Variants in TBX18 observed in about 807,000 individuals in gnomAD.
The protein encoded by TBX18 is T-box transcription factor TBX18.
TBX18 carries 21 observed loss-of-function variants against 55.0 expected under a neutral mutation model. The ratio of observed to expected loss-of-function variants is 0.38; its 90% CI spans 0.27 to 0.55. The LOEUF is 0.55. Among genes scored for constraint, TBX18 ranks in the 20% least tolerant of loss-of-function variants. The pLI is 0.73. For missense variants in TBX18, 840 were observed against 799.6 expected (o/e 1.05, Z -0.61); for synonymous variants, 342 against 326.1 (o/e 1.05, Z -0.53).
chr6:84,746,729 C>A (rs547581261), intron 5 of TBX18, among the ~76,000 whole-genome samples: 10 of 148,996 alleles, frequency 6.7e-5, no homozygotes, highest in Admixed American at 5.4e-4. Flanking sequence ...GCTTCAGCAG[C>A]ACATATACTA....
chr6:84,736,730 T>A lies in TBX18; in HGVS notation c.1779A>T (p.Gly593=). Reference sequence around the variant, plus strand: ...CTTGAGATGATGACAGAGTTAAGCTTCCTAGGGTCCTAGAGTCAAAGAAAC... The same window carrying A: ...CTTGAGATGATGACAGAGTTAAGCTACCTAGGGTCCTAGAGTCAAAGAAAC... ...QQSFFDSRTL[G]SLTLSSSQVS... is the part of the protein sequence containing the mutation. Residue 593 remains glycine (G), a synonymous_variant, in exon 8 of 8, where the codon GGA becomes GGT. Transcript: ENST00000369663. 2 of 1,602,006 alleles carry A rather than the reference T, an allele frequency of 1.2e-6. No individual in the cohort carries two copies. Among genetic ancestry groups the A allele is most frequent in the Non-Finnish European group, 1.7e-6 (2 of 1,175,876 alleles).
intron 6 of TBX18, among the ~76,000 whole-genome samples, chr6:84,739,924 C>A (rs1767004280): frequency 6.6e-6 from 1 of 152,204 alleles, no homozygotes; most frequent in South Asian, 2.1e-4. Flanking sequence ...GATTTCTGTA[C>A]TCATTCTGGA....
intron 4 of TBX18, among the ~76,000 whole-genome samples, chr6:84,753,439 G>GAAA (rs56006646): frequency 4.4e-4 from 66 of 148,756 alleles, no homozygotes; most frequent in Non-Finnish European, 7.0e-4. Flanking sequence ...ACTGAGAAGA[G>GAAA]AAAAAAAAAA....
rs753362934 is a variant in TBX18 at position 84,764,187 on chromosome 6, C to T, written c.-6G>A. Reference sequence around the variant, plus strand: ...CCCCTTCGCTTCTCGGCCATCCCCCCCGCCCCGCGCCCGCCCGCCCCTCTC... The same window carrying T: ...CCCCTTCGCTTCTCGGCCATCCCCCTCGCCCCGCGCCCGCCCGCCCCTCTC... On this transcript the variant is annotated 5_prime_UTR_variant, in exon 1 of 8. Transcript: ENST00000369663. 3.5e-6 allele frequency: 5 copies of T among 1,443,806 alleles called. No homozygotes were observed. Among genetic ancestry groups the T allele is most frequent in the South Asian group, 1.4e-5 (1 of 69,832 alleles). The allele number at this position is 1,443,806 out of a possible 1,614,324, so 89.4% of individuals were successfully genotyped here.
chr6:84,732,594 C>T lies in TBX18; in HGVS notation c.*4091G>A, dbSNP rs1205856329. On this transcript the variant is annotated 3_prime_UTR_variant, in exon 8 of 8. Transcript: ENST00000369663. Reference sequence around the variant, plus strand: ...TATTTCAAAACAAAATAATTTAATGCCATGCAATTAAGAGCATCATGAAAA... The same window carrying T: ...TATTTCAAAACAAAATAATTTAATGTCATGCAATTAAGAGCATCATGAAAA... 6.6e-6 allele frequency: 1 copy of T among 151,936 alleles called. No individual in the cohort carries two copies. The highest frequency in any genetic ancestry group is 1.5e-5 in the Non-Finnish European group (1 of 67,944). 9.4% of individuals were successfully genotyped at this position (151,936 alleles called of 1,614,324 possible). A position where few individuals can be genotyped will look rare whatever the true frequency, so the allele number is the denominator to read the frequency against.
intron 6 of TBX18, chr6:84,741,006 G>A (rs1018110625): frequency 6.6e-6 from 1 of 152,206 alleles, no homozygotes; most frequent in Non-Finnish European, 1.5e-5. Flanking sequence ...AAGCTTTAAA[G>A]AGATGCTCTG....
chr6:84,743,175 A>G (rs1431426686), intron 6 of TBX18, among the ~76,000 whole-genome samples: 1 of 152,196 alleles, frequency 6.6e-6, no homozygotes, highest in Non-Finnish European at 1.5e-5. Flanking sequence ...CACTAAGTTG[A>G]AGGCTACTCT....
intron 2 of TBX18, among the ~76,000 whole-genome samples, chr6:84,761,538 A>C (rs1189365065): frequency 6.6e-6 from 1 of 152,200 alleles, no homozygotes; most frequent in Non-Finnish European, 1.5e-5. Flanking sequence ...TATGGATTCA[A>C]TAAAATATGT....
At chr6:84,762,959 C>T in intron 1 of TBX18, 2 of 599,070 alleles carry the variant, frequency 3.3e-6, no homozygotes, top group South Asian at 2.0e-5. Context: ...TCCAGTGTGG[C>T]CTGCTTGGTC....
chr6:84,763,520 C>G (rs886437352), intron 1 of TBX18: 1 of 503,366 alleles, frequency 2.0e-6, no homozygotes, highest in African/African-American at 1.9e-5. Flanking sequence ...GGTATGCCGT[C>G]GCTCCCCTCC....
chr6:84,736,500 A>C lies in TBX18; in HGVS notation c.*185T>G. 1.8e-6 allele frequency: 1 copy of C among 559,874 alleles called. No individual in the cohort carries two copies. The highest frequency in any genetic ancestry group is 3.4e-5 in the East Asian group (1 of 29,722). 34.7% of individuals were successfully genotyped at this position (559,874 alleles called of 1,614,324 possible). A position where few individuals can be genotyped will look rare whatever the true frequency, so the allele number is the denominator to read the frequency against. ...GATACTCCATGTGCTATGTATATAC[A>C]GCATACATATATACCATAGATAATT... is the stretch of plus-strand genomic sequence containing the variant. On this transcript the variant is annotated 3_prime_UTR_variant, in exon 8 of 8. Coordinates refer to ENST00000369663, the MANE Select transcript of TBX18 (RefSeq NM_001080508.3).
intron 3 of TBX18, among the ~76,000 whole-genome samples, chr6:84,757,764 A>T (rs1280778533): frequency 1.3e-5 from 2 of 151,916 alleles, no homozygotes; most frequent in Non-Finnish European, 2.9e-5. Flanking sequence ...TAAGATTACC[A>T]TTTATTAATA....
chr6:84,741,099 A>G (rs1454084722), intron 6 of TBX18: 2 of 152,234 alleles, frequency 1.3e-5, no homozygotes, highest in Non-Finnish European at 2.9e-5. Context: ...AAGTTCCAGA[A>G]AGGATTTTAG....
In TBX18 at chr6:84,763,986, A is replaced by G. The variant is rs1179144155; in HGVS notation, c.196T>C (p.Ser66Pro). 8 of 1,580,016 alleles carry G rather than the reference A, an allele frequency of 5.1e-6. No individual in the cohort carries two copies. The highest frequency in any genetic ancestry group is 6.8e-6 in the Non-Finnish European group (8 of 1,168,476). ...SRGGGAGEKG[S>P]SEGDEGAALP... ...GCAGCGCCTTCGTCTCCCTCAGAAG[A>G]ACCCTTTTCGCCCGCGCCGCCGCCG... Residue 66 changes from serine to proline, a missense_variant, in exon 1 of 8, where the codon TCT becomes CCT. Coordinates refer to ENST00000369663, the MANE Select transcript of TBX18 (RefSeq NM_001080508.3).
chr6:84,747,185 GAA>G (rs111678338), intron 5 of TBX18, among the ~76,000 whole-genome samples: 2 of 139,344 alleles, frequency 1.4e-5, no homozygotes. Context: ...CACTGAAATT[GAA>G]AAAAAAAAAA....
At position 84,744,276 on chromosome 6, in the gene TBX18, T is replaced by C; in HGVS notation, c.989A>G (p.Asp330Gly). ...DRNPFAKGFRDSGRNRMGLEA... is the reference protein window; with the variant it reads ...DRNPFAKGFRGSGRNRMGLEA... ...TAAGGCCCACCTGTTGCGCCCGGAG[T>C]CTCGGAAGCCTTTAGCAAATGGATT... Residue 330 changes from aspartate (D) to glycine (G), a missense_variant, in exon 6 of 8, where the codon GAC becomes GGC. Coordinates refer to ENST00000369663, the MANE Select transcript of TBX18 (RefSeq NM_001080508.3). 1.2e-6 allele frequency: 2 copies of C among 1,612,760 alleles called. No individual in the cohort carries two copies. The highest frequency in any genetic ancestry group is 1.7e-6 in the Non-Finnish European group (2 of 1,179,240).
At chr6:84,762,822 C>T (rs1767692315) in intron 1 of TBX18, 74 bp from the exon 2 acceptor site, 2 of 1,425,156 alleles carry the variant, frequency 1.4e-6, no homozygotes, top group Non-Finnish European at 1.9e-6. Flanking sequence ...GACGGGCCCA[C>T]CTGGTGGCTG....
Position 84,761,547 on chromosome 6 carries a change from G to GT in TBX18, c.497+996dup, listed in dbSNP as rs1228564830. Among the ~76,000 whole-genome samples the GT allele has an allele frequency of 5.3e-5, 8 of 152,192 alleles. No individual in the cohort carries two copies. The South Asian group carries it at 6.2e-4, about 12-fold the overall frequency. ...GTAGCATATGGATTCAATAAAATAT[G>GT]TTTTTTTGTAATTTCTAATAAGTTT... On this transcript the variant is annotated intron_variant, in intron 2 of 7. Coordinates refer to ENST00000369663, the MANE Select transcript of TBX18 (RefSeq NM_001080508.3).
At chr6:84,747,170 C>A (rs1243978861) in intron 5 of TBX18, among the ~76,000 whole-genome samples, 10 of 150,828 alleles carry the variant, frequency 6.6e-5, no homozygotes, top group Admixed American at 5.9e-4. Flanking sequence ...AACAATTCTG[C>A]TGACCACTGA....
Sources: gnomAD v4.1 joint callset for allele counts (sites outside exome capture counted in the v4.1 genomes callset) on GRCh38, gnomAD v4.1.1 for gene constraint, MANE v1.5 for transcripts, NCBI Gene and HGNC (gene_info 2026-07-23, HGNC 2026-07-21) for gene names.